VTI1A: variants seen among roughly 807,000 people sequenced by gnomAD.
VTI1A encodes the protein vesicle transport through interaction with t-SNAREs 1A, also known as vesicle transport through interaction with t-SNAREs homolog 1A.
A neutral mutation model predicts 34.9 loss-of-function variants in VTI1A; 22 were observed. That is an observed-to-expected ratio of 0.63 (90% CI 0.45 to 0.90). The LOEUF is 0.90. Among genes scored for constraint, VTI1A ranks in the 40% least tolerant of loss-of-function variants. The pLI is 0.00. For synonymous variants in VTI1A, 87 were observed against 97.3 expected (o/e 0.89, Z 0.62); for missense variants, 268 against 275.6 (o/e 0.97, Z 0.20).
chr10:112,805,553 A>C (rs972146227), intron 7 of VTI1A, among the ~76,000 whole-genome samples: 30 of 152,260 alleles, frequency 2.0e-4, no homozygotes, highest in African/African-American at 6.8e-4. Flanking sequence ...CTGGTACCTC[A>C]GAATATGACT....
chr10:112,489,226 C>G (rs765039714), intron 3 of VTI1A, among the ~76,000 whole-genome samples: 9 of 152,148 alleles, frequency 5.9e-5, no homozygotes, highest in African/African-American at 2.2e-4. Flanking sequence ...AGTGGATGAT[C>G]CCTGAGATCT....
At chr10:112,604,300 G>T (rs1420525144) in intron 5 of VTI1A, among the ~76,000 whole-genome samples, 2 of 152,124 alleles carry the variant, frequency 1.3e-5, no homozygotes, top group Non-Finnish European at 2.9e-5. Context: ...TTATTAGGAA[G>T]ATACATGTAA....
intron 7 of VTI1A, among the ~76,000 whole-genome samples, chr10:112,763,109 T>C (rs962070473): frequency 3.9e-5 from 6 of 152,076 alleles, no homozygotes; most frequent in African/African-American, 1.4e-4. Flanking sequence ...TAACTGAGCA[T>C]GTGGCCTCTT....
intron 7 of VTI1A, among the ~76,000 whole-genome samples, chr10:112,739,560 C>A (rs1850618802): frequency 6.6e-6 from 1 of 152,198 alleles, no homozygotes; most frequent in African/African-American, 2.4e-5. Flanking sequence ...CATTTACCAT[C>A]AAAATAACAA....
At chr10:112,461,853 G>T (rs1847738218) in intron 2 of VTI1A, among the ~76,000 whole-genome samples, 1 of 152,182 alleles carries the variant, frequency 6.6e-6, no homozygotes, top group Admixed American at 6.5e-5. Flanking sequence ...AAGTAGCTGG[G>T]ATTACAGAGC....
intron 7 of VTI1A, among the ~76,000 whole-genome samples, chr10:112,748,449 CAAGTT>C (rs1222038213): frequency 2.0e-5 from 3 of 152,120 alleles, no homozygotes; most frequent in Non-Finnish European, 4.4e-5. Context: ...CTGAGCCAGT[CAAGTT>C]TTCTCCAGAT....
At chr10:112,596,415 C>G (rs1355218649) in intron 5 of VTI1A, among the ~76,000 whole-genome samples, 1 of 152,052 alleles carries the variant, frequency 6.6e-6, no homozygotes, top group African/African-American at 2.4e-5. Context: ...CTGCTTTATC[C>G]CATGAGTATA....
chr10:112,681,061 TTC>T (rs1244876000), intron 7 of VTI1A, among the ~76,000 whole-genome samples: 2 of 149,818 alleles, frequency 1.3e-5, no homozygotes, highest in African/African-American at 5.0e-5. Flanking sequence ...TGTTGAATTT[TTC>T]TCTTTTTTTC....
In VTI1A at chr10:112,818,184, C is replaced by A; in HGVS notation, c.*2801C>A. ...TTTGCTTTGCTACTGCTTCTGAGCC[C>A]TGAGCTTCAAAGGCTGAAATTAATG... On this transcript the variant is annotated 3_prime_UTR_variant, in exon 8 of 8. Coordinates refer to ENST00000393077, the MANE Select transcript of VTI1A (RefSeq NM_145206.4). 1 of 233,432 alleles carries A rather than the reference C, an allele frequency of 4.3e-6. No homozygotes were observed. Among genetic ancestry groups the A allele is most frequent in the Non-Finnish European group, 8.5e-6 (1 of 117,866 alleles). The allele number at this position is 233,432 out of a possible 1,614,324, so 14.5% of individuals were successfully genotyped here. A position where few individuals can be genotyped will look rare whatever the true frequency, so the allele number is the denominator to read the frequency against.
Position 112,585,135 on chromosome 10 carries a change from G to C in VTI1A, c.427+46805G>C, listed in dbSNP as rs531950059. Among the ~76,000 whole-genome samples, 7 of 152,254 alleles carry C rather than the reference G, an allele frequency of 4.6e-5. No homozygotes were observed. The South Asian group carries it at 1.2e-3, about 27-fold the overall frequency. On this transcript the variant is annotated intron_variant, in intron 5 of 7. Transcript: ENST00000393077. ...TGGGAACCATCCCAGTTTTAATAAAGGGCCACACAGAAGAAAATGTATGCT... is the reference window on the plus strand; with the variant it reads ...TGGGAACCATCCCAGTTTTAATAAACGGCCACACAGAAGAAAATGTATGCT...
At chr10:112,588,667 A>C (rs953737123) in intron 5 of VTI1A, among the ~76,000 whole-genome samples, 1 of 152,246 alleles carries the variant, frequency 6.6e-6, no homozygotes, top group African/African-American at 2.4e-5. Context: ...AGTAGCAAGT[A>C]GTAGGGAACA....
intron 7 of VTI1A, among the ~76,000 whole-genome samples, chr10:112,750,531 G>A (rs1285011695): frequency 6.6e-6 from 1 of 152,070 alleles, no homozygotes; most frequent in Non-Finnish European, 1.5e-5. Context: ...TTTTAAATCT[G>A]TGTCTTGTGC....
chr10:112,629,952 G>C (rs1243341445), intron 5 of VTI1A, among the ~76,000 whole-genome samples: 1 of 152,028 alleles, frequency 6.6e-6, no homozygotes, highest in Non-Finnish European at 1.5e-5. Flanking sequence ...TGATTTTTCA[G>C]TATTTAAAAA....
chr10:112,684,981 A>G (rs1051344196), intron 7 of VTI1A, among the ~76,000 whole-genome samples: 6 of 152,168 alleles, frequency 3.9e-5, no homozygotes, highest in Non-Finnish European at 5.9e-5. Context: ...ATGTGGAACC[A>G]TTGTCTTCTG....
At chr10:112,670,689 A>G (rs1308133374) in intron 7 of VTI1A, among the ~76,000 whole-genome samples, 1 of 152,160 alleles carries the variant, frequency 6.6e-6, no homozygotes, top group East Asian at 1.9e-4. Context: ...GGGAAATCAT[A>G]ATAACGTGGT....
chr10:112,751,726 A>G (rs1299833978), intron 7 of VTI1A, among the ~76,000 whole-genome samples: 4 of 152,218 alleles, frequency 2.6e-5, no homozygotes, highest in African/African-American at 7.2e-5. Context: ...ATAGTACTCT[A>G]CTAGAGATTA....
chr10:112,848,903 T>A, the VTI1A span, among the ~76,000 whole-genome samples: 1 of 152,034 alleles, frequency 6.6e-6, no homozygotes, highest in Non-Finnish European at 1.5e-5. Context: ...GGGTAGGGGG[T>A]CATCTTTCAT....
the VTI1A span, among the ~76,000 whole-genome samples, chr10:112,849,168 T>C: frequency 6.6e-6 from 1 of 152,168 alleles, no homozygotes; most frequent in East Asian, 1.9e-4. Flanking sequence ...TTTTTGTACA[T>C]GGTGTAGCAA....
chr10:112,483,105 G>A (rs1056336523), intron 3 of VTI1A, among the ~76,000 whole-genome samples: 1 of 152,142 alleles, frequency 6.6e-6, no homozygotes, highest in Admixed American at 6.5e-5. Context: ...CAACTGTCTC[G>A]GGTGCCAGTT....
Sources: allele counts gnomAD v4.1 joint callset (sites outside exome capture counted in the v4.1 genomes callset), GRCh38; gene constraint gnomAD v4.1.1; transcripts MANE v1.5; gene names NCBI Gene and HGNC (gene_info 2026-07-23, HGNC 2026-07-21).